The following FAM78B variants were observed in gnomAD, a reference collection of about 807,000 sequenced individuals.
FAM78B encodes family with sequence similarity 78 member B.
A neutral mutation model predicts 20.0 loss-of-function variants in FAM78B; 10 were observed. That is an observed-to-expected ratio of 0.50 (90% CI 0.31 to 0.85). The LOEUF (loss-of-function observed/expected upper bound fraction) is 0.85, where lower values mean the gene tolerates loss of function less well. FAM78B is among the 40% of genes least tolerant of loss of function. The pLI, the probability that FAM78B is intolerant of heterozygous loss-of-function variation, is 0.05. For synonymous variants in FAM78B, 135 were observed against 132.8 expected, an observed-to-expected ratio of 1.02 and a Z score of -0.12; for missense variants, 283 against 345.0, an observed-to-expected ratio of 0.82 and a Z score of 1.42.
chr1:166,079,064 TG>T, intron 1 of FAM78B, among the ~76,000 whole-genome samples: 1 of 151,926 alleles, frequency 6.6e-6, no homozygotes, highest in East Asian at 1.9e-4. Context: ...CTGGAGTAGC[TG>T]GGACTACAGG....
chr1:166,126,868 G>T (rs1196093928), intron 1 of FAM78B, among the ~76,000 whole-genome samples: 3 of 152,152 alleles, frequency 2.0e-5, no homozygotes, highest in Non-Finnish European at 4.4e-5. Flanking sequence ...GGTGGTCTCA[G>T]TTCAGAGCTT....
At chr1:166,110,232 C>T (rs1168491039) in intron 1 of FAM78B, among the ~76,000 whole-genome samples, 1 of 151,274 alleles carries the variant, frequency 6.6e-6, no homozygotes, top group East Asian at 2.0e-4. Flanking sequence ...CTCATGTAAC[C>T]CAATACCACC....
At chr1:166,146,787 A>C (rs1655473808) in intron 1 of FAM78B, among the ~76,000 whole-genome samples, 2 of 152,216 alleles carry the variant, frequency 1.3e-5, no homozygotes, top group African/African-American at 2.4e-5. Context: ...CAATAGTAGA[A>C]ATGGCCTTCT....
chr1:166,145,830 A>G (rs762315407), intron 1 of FAM78B, among the ~76,000 whole-genome samples: 1 of 152,234 alleles, frequency 6.6e-6, no homozygotes, highest in Non-Finnish European at 1.5e-5. Flanking sequence ...AAAGTAAACA[A>G]ATACTGGATA....
chr1:166,114,416 A>T (rs531630436), intron 1 of FAM78B, among the ~76,000 whole-genome samples: 2 of 152,332 alleles, frequency 1.3e-5, no homozygotes, highest in East Asian at 3.9e-4. Flanking sequence ...TTTGGAATAG[A>T]TGTGCCACCT....
intron 1 of FAM78B, among the ~76,000 whole-genome samples, chr1:166,089,861 G>A (rs76994273): frequency 0.017 from 2,538 of 152,226 alleles, 80 homozygotes; most frequent in African/African-American, 0.058. Flanking sequence ...ACATAACCGC[G>A]GTGGGGGTTA....
intron 1 of FAM78B, among the ~76,000 whole-genome samples, chr1:166,081,991 C>A (rs1254155233): frequency 6.6e-6 from 1 of 152,186 alleles, no homozygotes; most frequent in Non-Finnish European, 1.5e-5. Flanking sequence ...TGGCCGCCAC[C>A]CTTCTCCAAG....
At chr1:166,159,448 G>A (rs1656056500) in intron 1 of FAM78B, among the ~76,000 whole-genome samples, 1 of 152,170 alleles carries the variant, frequency 6.6e-6, no homozygotes, top group African/African-American at 2.4e-5. Flanking sequence ...GATGAGATCA[G>A]AATGCAGTAC....
chr1:166,077,735 TAATA>T (rs61294707), intron 1 of FAM78B, among the ~76,000 whole-genome samples: 20,935 of 137,598 alleles, frequency 0.15, 1,796 homozygotes, highest in African/African-American at 0.23. Context: ...TTATAAATTA[TAATA>T]AATACATATA....
chr1:166,062,674 T>C (rs541808162), intron 2 of FAM78B, among the ~76,000 whole-genome samples: 14 of 152,254 alleles, frequency 9.2e-5, no homozygotes, highest in Non-Finnish European at 1.6e-4. Flanking sequence ...TCTTTCTTTC[T>C]TTCCTAATTA....
At chr1:166,148,674 G>C (rs553299977) in intron 1 of FAM78B, among the ~76,000 whole-genome samples, 1 of 152,198 alleles carries the variant, frequency 6.6e-6, no homozygotes. Flanking sequence ...GGAACTCAAC[G>C]GAAATGAGAG....
chr1:166,128,466 C>T (rs773848800), intron 1 of FAM78B, among the ~76,000 whole-genome samples: 1 of 152,212 alleles, frequency 6.6e-6, no homozygotes, highest in Non-Finnish European at 1.5e-5. Context: ...GCACTCTGTC[C>T]CTTATAAAGT....
intron 1 of FAM78B, among the ~76,000 whole-genome samples, chr1:166,132,816 TTAGA>T (rs1285864330): frequency 1.3e-5 from 2 of 152,218 alleles, no homozygotes; most frequent in African/African-American, 2.4e-5. Flanking sequence ...CCCCATATTG[TTAGA>T]TAAACAGTGA....
intron 1 of FAM78B, among the ~76,000 whole-genome samples, chr1:166,080,964 T>C (rs1292339440): frequency 6.6e-6 from 1 of 152,244 alleles, no homozygotes; most frequent in Non-Finnish European, 1.5e-5. Context: ...GCCCTGCCTC[T>C]GGCAGAGGTC....
intron 1 of FAM78B, among the ~76,000 whole-genome samples, chr1:166,117,104 T>G (rs1379928720): frequency 1.3e-5 from 2 of 152,210 alleles, no homozygotes; most frequent in African/African-American, 4.8e-5. Flanking sequence ...AATTTAGAAT[T>G]TTCAGACCCC....
intron 1 of FAM78B, among the ~76,000 whole-genome samples, chr1:166,089,651 T>C (rs1373739524): frequency 6.6e-6 from 1 of 151,834 alleles, no homozygotes; most frequent in Non-Finnish European, 1.5e-5. Flanking sequence ...TGGAGTTTTG[T>C]ACAGTTAGGG....
intron 1 of FAM78B, among the ~76,000 whole-genome samples, chr1:166,130,712 T>A (rs1300720077): frequency 6.6e-6 from 1 of 152,150 alleles, no homozygotes; most frequent in Non-Finnish European, 1.5e-5. Flanking sequence ...ATTAATCAAG[T>A]TGAAAAAACT....
chr1:166,122,128 G>A (rs1303017099), intron 1 of FAM78B, among the ~76,000 whole-genome samples: 1 of 152,206 alleles, frequency 6.6e-6, no homozygotes, highest in East Asian at 1.9e-4. Flanking sequence ...AAGTGAGTCA[G>A]GAGATGGCTT....
chr1:166,139,102 T>C (rs1042563011), intron 1 of FAM78B, among the ~76,000 whole-genome samples: 4 of 152,128 alleles, frequency 2.6e-5, no homozygotes, highest in Non-Finnish European at 5.9e-5. Flanking sequence ...ACCAGAAATT[T>C]TTCTAGCTAG....
Sources: allele counts gnomAD v4.1 joint callset (sites outside exome capture counted in the v4.1 genomes callset), GRCh38; gene constraint gnomAD v4.1.1; transcripts MANE v1.5; gene names NCBI Gene and HGNC (gene_info 2026-07-23, HGNC 2026-07-21).